Variants in RIC1 observed in about 807,000 individuals in gnomAD.
RIC1 encodes guanine nucleotide exchange factor subunit RIC1.
A neutral mutation model predicts 169.0 loss-of-function variants in RIC1; 88 were observed. That is an observed-to-expected ratio of 0.52 (90% CI 0.44 to 0.62). RIC1 has a LOEUF of 0.62. Ranked by LOEUF, RIC1 falls within the 20% of genes least tolerant of loss-of-function variation. The pLI is 0.00. For missense variants in RIC1, 1,877 were observed against 1,725.5 expected, an observed-to-expected ratio of 1.09 and a Z score of -1.56; for synonymous variants, 790 against 601.5, an observed-to-expected ratio of 1.31 and a Z score of -4.59.
chr9:5,769,249 C>T lies in RIC1; in HGVS notation c.3417C>T (p.Tyr1139=). 6.2e-7 allele frequency: 1 copy of T among 1,614,042 alleles called. No individual in the cohort carries two copies. Residue 1139 remains tyrosine, a synonymous_variant, in exon 22 of 26, where the codon TAC becomes TAT. Transcript: ENST00000414202. ...SISSPFKNGK[Y]RTVGEQLLKS... ...GTTCTCCTTTCAAAAATGGAAAATACCGAACTGGTAATGTAGACTTCATGT... is the reference window on the plus strand; with the variant it reads ...GTTCTCCTTTCAAAAATGGAAAATATCGAACTGGTAATGTAGACTTCATGT...
chr9:5,771,251 CATTTT>C (rs1827198174), intron 23 of RIC1, among the ~76,000 whole-genome samples: 1 of 152,162 alleles, frequency 6.6e-6, no homozygotes. Flanking sequence ...TGGCAACCAC[CATTTT>C]ATTTTTTCTC....
chr9:5,643,339 A>G (rs1017238930), intron 1 of RIC1, among the ~76,000 whole-genome samples: 2 of 152,132 alleles, frequency 1.3e-5, no homozygotes, highest in African/African-American at 4.8e-5. Flanking sequence ...TCATGTCAAT[A>G]TAAACACATA....
intron 6 of RIC1, among the ~76,000 whole-genome samples, chr9:5,724,670 C>T (rs1823839142): frequency 6.6e-6 from 1 of 152,142 alleles, no homozygotes. Flanking sequence ...AGTTTTTGCC[C>T]ATTCAGTATG....
At chr9:5,750,465 A>G (rs1396684587) in intron 12 of RIC1, among the ~76,000 whole-genome samples, 1 of 151,864 alleles carries the variant, frequency 6.6e-6, no homozygotes, top group Non-Finnish European at 1.5e-5. Context: ...TTCATAAATT[A>G]TTTACTGTCT....
At chr9:5,709,404 G>A (rs529614968) in intron 3 of RIC1, among the ~76,000 whole-genome samples, 90 of 152,242 alleles carry the variant, frequency 5.9e-4, no homozygotes, top group African/African-American at 2.1e-3. Flanking sequence ...AAATATTAGA[G>A]TTTGATTATC....
rs369756639 is a variant in RIC1 at position 5,756,193 on chromosome 9, T to G, written c.1693-19T>G. The G allele has an allele frequency of 7.6e-5, 113 of 1,483,370 alleles. No individual in the cohort carries two copies. In the African/African-American group the frequency reaches 1.5e-3, roughly 20 times the overall value. The allele number at this position is 1,483,370 out of a possible 1,614,324, so 91.9% of individuals were successfully genotyped here. On this transcript the variant is annotated intron_variant, in intron 15 of 25. Transcript: ENST00000414202. ...AGTTATCTTGTTTTTATAATTTTCT[T>G]CATTTTTGTTTTCTTCAGCTTAGAG...
intron 3 of RIC1, among the ~76,000 whole-genome samples, chr9:5,699,242 G>C (rs759451919): frequency 6.6e-6 from 1 of 152,142 alleles, no homozygotes; most frequent in Non-Finnish European, 1.5e-5. Flanking sequence ...TAGTACTGTA[G>C]TTTCCTCCCA....
chr9:5,765,704 A>T lies in RIC1; in HGVS notation c.3043A>T (p.Ser1015Cys), dbSNP rs1166657348. 6.2e-7 allele frequency: 1 copy of T among 1,614,196 alleles called. No homozygotes were observed. The highest frequency in any genetic ancestry group is 1.7e-5 in the Admixed American group (1 of 60,026). The stretch of plus-strand genomic sequence containing the variant: ...TGGATTTGAGTTCTTCAGGAATCGA[A>T]GCATCAGTTTATCCCAGTCAGCTGA... ...SGGFEFFRNR[S>C]ISLSQSAENV... The change falls in exon 21 of 26, where the codon AGC becomes TGC. Residue 1015 changes from serine to cysteine, a missense_variant. Around this residue, in one of 3 missense-constraint regions of RIC1, gnomAD observed 681 missense variants for 582.0 expected, o/e 1.17. Transcript: ENST00000414202.
At chr9:5,710,429 A>T (rs922304085) in intron 3 of RIC1, among the ~76,000 whole-genome samples, 1 of 152,152 alleles carries the variant, frequency 6.6e-6, no homozygotes, top group Non-Finnish European at 1.5e-5. Context: ...GGTTTGAGGG[A>T]TCCTTCCTGG....
intron 2 of RIC1, among the ~76,000 whole-genome samples, chr9:5,667,094 G>A (rs1252261210): frequency 1.3e-5 from 2 of 152,148 alleles, no homozygotes; most frequent in African/African-American, 2.4e-5. Flanking sequence ...GGAAGCTGAG[G>A]CGGGAGGATT....
At chr9:5,631,501 C>G (rs1817713076) in intron 1 of RIC1, among the ~76,000 whole-genome samples, 1 of 152,018 alleles carries the variant, frequency 6.6e-6, no homozygotes, top group African/African-American at 2.4e-5. Flanking sequence ...TCCTGGCCAA[C>G]ATGGTGAAAT....
At chr9:5,682,712 C>G (rs572891699) in intron 2 of RIC1, among the ~76,000 whole-genome samples, 2 of 152,276 alleles carry the variant, frequency 1.3e-5, no homozygotes, top group South Asian at 4.1e-4. Context: ...GCCTGCCTTG[C>G]TAGATTGGGG....
chr9:5,706,848 T>C (rs936682535), intron 3 of RIC1, among the ~76,000 whole-genome samples: 1 of 152,200 alleles, frequency 6.6e-6, no homozygotes, highest in Non-Finnish European at 1.5e-5. Flanking sequence ...GGTTTTTCAA[T>C]TGTATTGATG....
rs1459072628 is a variant in RIC1, at chr9:5,765,939, C to T, written c.3137+141C>T. On this transcript the variant is annotated intron_variant, in intron 21 of 25. Coordinates refer to ENST00000414202, the MANE Select transcript of RIC1 (RefSeq NM_020829.4). The stretch of plus-strand genomic sequence containing the variant: ...TTTTCCATTCCCAAAAAGCAGAGGC[C>T]ACACAGAAGGCTTCCCTTTTTCCTT... 1.2e-5 allele frequency: 12 copies of T among 1,015,544 alleles called. 1 individual carries two copies. In the East Asian group the frequency reaches 2.8e-4, roughly 24 times the overall value. 62.9% of individuals were successfully genotyped at this position (1,015,544 alleles called of 1,614,324 possible).
intron 6 of RIC1, among the ~76,000 whole-genome samples, chr9:5,728,610 T>C (rs1010900809): frequency 2.6e-5 from 4 of 152,208 alleles, no homozygotes; most frequent in African/African-American, 9.7e-5. Flanking sequence ...TCACCCATCC[T>C]CTGCATCACT....
chr9:5,746,030 A>G lies in RIC1; in HGVS notation c.1195A>G (p.Ser399Gly), dbSNP rs1277270953. ...CCTCAGGAGTGTAGTTAAACAGCCC[A>G]GCATCCTGTTATTTCAGTTTATTAA... ...SDLRSVVKQP[S>G]ILLFQFIKSV... The change falls in exon 11 of 26, where the codon AGC (serine) becomes GGC (glycine). Residue 399 changes from serine to glycine, a missense_variant. By Grantham distance (56) the Ser-to-Gly change is moderately conservative. Coordinates refer to ENST00000414202, the MANE Select transcript of RIC1 (RefSeq NM_020829.4). 1.2e-6 allele frequency: 2 copies of G among 1,613,734 alleles called. No homozygotes were observed. The highest frequency in any genetic ancestry group is 4.5e-5 in the East Asian group (2 of 44,872).
chr9:5,762,698 G>T, intron 18 of RIC1, 38 bp downstream of exon 18: 1 of 1,600,246 alleles, frequency 6.2e-7, no homozygotes, highest in Non-Finnish European at 8.5e-7. Flanking sequence ...CAAACATTAA[G>T]AAGGTATGGG....
At chr9:5,708,635 C>G (rs768090756) in intron 3 of RIC1, among the ~76,000 whole-genome samples, 1 of 152,104 alleles carries the variant, frequency 6.6e-6, no homozygotes, top group Non-Finnish European at 1.5e-5. Flanking sequence ...CTTGGGATCT[C>G]TTGTATGTGA....
intron 2 of RIC1, among the ~76,000 whole-genome samples, chr9:5,687,034 C>G (rs940825864): frequency 2.0e-5 from 3 of 152,156 alleles, no homozygotes; most frequent in Non-Finnish European, 4.4e-5. Context: ...CAGACATTGG[C>G]TTTTCAGGGT....
Sources: gnomAD v4.1 joint callset for allele counts (sites outside exome capture counted in the v4.1 genomes callset) on GRCh38, gnomAD v4.1.1 for gene constraint, gnomAD v4.1.1 regional missense constraint, MANE v1.5 for transcripts, NCBI Gene and HGNC (gene_info 2026-07-23, HGNC 2026-07-21) for gene names.